The following WDR76 variants were observed in gnomAD, a reference collection of about 807,000 sequenced individuals.
The protein encoded by WDR76 is WD repeat domain 76.
A neutral mutation model predicts 70.2 loss-of-function variants in WDR76; 52 were observed. The ratio of observed to expected loss-of-function variants is 0.74; its 90% CI spans 0.59 to 0.93. WDR76 has a LOEUF of 0.93. WDR76 is among the 40% of genes least tolerant of loss of function. The pLI, the probability that WDR76 is intolerant of heterozygous loss-of-function variation, is 0.00. For missense variants in WDR76, 756 were observed against 760.2 expected (o/e 0.99, Z 0.07); for synonymous variants, 292 against 271.1 (o/e 1.08, Z -0.76).
chr15:43,833,320 CTT>C (rs572785012), intron 2 of WDR76, among the ~76,000 whole-genome samples: 17 of 134,162 alleles, frequency 1.3e-4, no homozygotes, highest in Admixed American at 1.5e-4. Context: ...CTTTTCTTTT[CTT>C]TTTTTTTTTT....
At chr15:43,834,990 A>G (rs1182250679) in intron 2 of WDR76, 71 bp from the exon 3 acceptor site, 1 of 1,248,708 alleles carries the variant, frequency 8.0e-7, no homozygotes, top group Non-Finnish European at 1.2e-6. Context: ...AAAATGAAAC[A>G]TGTAGTTTTG....
chr15:43,827,534 G>C (rs958435914), intron 1 of WDR76, among the ~76,000 whole-genome samples: 2 of 151,964 alleles, frequency 1.3e-5, no homozygotes, highest in Admixed American at 1.3e-4. Flanking sequence ...TCTTACGAAG[G>C]GTGTCAATTT....
chr15:43,828,257 C>G lies in WDR76; in HGVS notation c.353C>G (p.Thr118Ser), dbSNP rs759444227. ...TLQNSSSAVH[T>S]ESNKLQPKRT... Reference sequence around the variant, plus strand: ...CAAAATTCATCCTCAGCTGTTCATACTGAAAGTAACAAGCTACAACCCAAG... The same window carrying G: ...CAAAATTCATCCTCAGCTGTTCATAGTGAAAGTAACAAGCTACAACCCAAG... The change falls in exon 2 of 13, where the codon ACT (threonine) becomes AGT (serine). Residue 118 changes from threonine to serine, a missense_variant. By Grantham distance (58) the Thr-to-Ser change is moderately conservative (BLOSUM62 1). Coordinates refer to ENST00000263795, the MANE Select transcript of WDR76 (RefSeq NM_024908.4). The G allele has an allele frequency of 1.2e-5, 20 of 1,614,082 alleles. No homozygotes were observed. In the South Asian group the frequency reaches 2.0e-4, roughly 16 times the overall value.
chr15:43,860,820 G>C (rs1320366856), intron 11 of WDR76, among the ~76,000 whole-genome samples: 1 of 150,316 alleles, frequency 6.7e-6, no homozygotes, highest in South Asian at 2.1e-4. Flanking sequence ...TGATTTCTAC[G>C]CTAAACTATA....
At chr15:43,860,871 T>A (rs1243001007) in intron 11 of WDR76, among the ~76,000 whole-genome samples, 1 of 151,670 alleles carries the variant, frequency 6.6e-6, no homozygotes. Context: ...AACTTTTGTT[T>A]AGTATCTTGA....
intron 3 of WDR76, among the ~76,000 whole-genome samples, chr15:43,835,649 AT>A (rs1370497814): frequency 2.1e-5 from 3 of 146,212 alleles, no homozygotes; most frequent in Admixed American, 6.8e-5. Flanking sequence ...CTAAGGCATT[AT>A]TTTTTTTGTC....
intron 9 of WDR76, among the ~76,000 whole-genome samples, chr15:43,854,288 G>A (rs1309548351): frequency 2.0e-5 from 3 of 152,194 alleles, no homozygotes; most frequent in African/African-American, 4.8e-5. Context: ...ACAAAGAATA[G>A]GTTGGGCATG....
chr15:43,858,243 G>GC (rs2087954340), intron 10 of WDR76, among the ~76,000 whole-genome samples: 1 of 143,366 alleles, frequency 7.0e-6, no homozygotes, highest in Middle Eastern at 3.3e-3. Flanking sequence ...AGAGAGTTCT[G>GC]TTTTTTTTTT....
chr15:43,839,333 G>C (rs1346729634), intron 4 of WDR76, among the ~76,000 whole-genome samples: 1 of 152,166 alleles, frequency 6.6e-6, no homozygotes, highest in Admixed American at 6.5e-5. Context: ...CCTTTCAGCA[G>C]TGCATAAAGA....
At chr15:43,842,563 A>AATAT in intron 6 of WDR76, 47 bp downstream of exon 6, 1 of 1,587,080 alleles carries the variant, frequency 6.3e-7, no homozygotes, top group South Asian at 1.1e-5. Flanking sequence ...CTGTTAAGGA[A>AATAT]ATATATATAT....
At position 43,857,067 on chromosome 15, in the gene WDR76, C is replaced by T. The variant is rs2087937194; in HGVS notation, c.1313C>T (p.Thr438Ile). ...CTGGTGGATAGACGGACACCTGGAA[C>T]TTCTTATGAGAAACTTACCAGTTCT... ...MSLVDRRTPG[T>I]SYEKLTSSSM... The change falls in exon 10 of 13, where the codon ACT (threonine) becomes ATT (isoleucine). Residue 438 changes from threonine (T) to isoleucine (I), a missense_variant. Coordinates refer to ENST00000263795, the MANE Select transcript of WDR76 (RefSeq NM_024908.4). The T allele has an allele frequency of 7.4e-6, 12 of 1,614,100 alleles. No individual in the cohort carries two copies. In the East Asian group the frequency reaches 2.7e-4, roughly 36 times the overall value.
chr15:43,861,517 C>G (rs1333975221), intron 12 of WDR76, 131 bp downstream of exon 12: 1 of 913,398 alleles, frequency 1.1e-6, no homozygotes, highest in Non-Finnish European at 1.7e-6. Context: ...TTATAAGTGT[C>G]CCAGTTTGCT....
chr15:43,842,471 T>C lies in WDR76; in HGVS notation c.789T>C (p.Asn263=). 6.2e-7 allele frequency: 1 copy of C among 1,614,104 alleles called. No homozygotes were observed. Among genetic ancestry groups the C allele is most frequent in the Non-Finnish European group, 8.5e-7 (1 of 1,180,006 alleles). The change falls in exon 6 of 13, where the codon AAT becomes AAC. Residue 263 remains asparagine, a synonymous_variant. Transcript: ENST00000263795. Reference sequence around the variant, plus strand: ...CTTCTGAAAATCAAGAAGACAACAATGAACGATTTAAAGGATTTCTGCACA... The same window carrying C: ...CTTCTGAAAATCAAGAAGACAACAACGAACGATTTAAAGGATTTCTGCACA... ...EMTSENQEDN[N]ERFKGFLHTW...
chr15:43,835,047 G>T lies in WDR76; in HGVS notation c.463-14G>T, dbSNP rs776310708. 1.2e-6 allele frequency: 2 copies of T among 1,608,534 alleles called. No individual in the cohort carries two copies. The highest frequency in any genetic ancestry group is 1.7e-5 in the Admixed American group (1 of 59,808). On this transcript the variant is annotated splice_polypyrimidine_tract_variant and intron_variant, in intron 2 of 12. Coordinates refer to ENST00000263795, the MANE Select transcript of WDR76 (RefSeq NM_024908.4). The stretch of plus-strand genomic sequence containing the variant: ...TATATAAAGTAATGGAATCTTTTTG[G>T]TGTAATTTTATAGGATTTTTCGGGA...
At chr15:43,844,862 AGCTTGCAG>A (rs1555462361) in intron 8 of WDR76, among the ~76,000 whole-genome samples, 4 of 110,022 alleles carry the variant, frequency 3.6e-5, no homozygotes, top group Non-Finnish European at 6.9e-5. Context: ...TGGGAGGGGG[AGCTTGCAG>A]TGAGCCGAGA....
In WDR76 at chr15:43,851,089, C is replaced by T; in HGVS notation, c.1035C>T (p.Thr345=). 1.9e-6 allele frequency: 3 copies of T among 1,613,712 alleles called. No individual in the cohort carries two copies. The highest frequency in any genetic ancestry group is 2.5e-6 in the Non-Finnish European group (3 of 1,179,868). ...KFGQVGLCDL[T]QQPKEDGVYV... is the part of the protein sequence containing the mutation. ...CCTTTCCCGCAACTCTCTTCCAGAC[C>T]CAGCAACCTAAAGAAGATGGAGTTT... The change falls in exon 9 of 13, where the codon ACC becomes ACT. Residue 345 remains threonine (T), a splice_region_variant and synonymous_variant. Coordinates refer to ENST00000263795, the MANE Select transcript of WDR76 (RefSeq NM_024908.4).
intron 8 of WDR76, among the ~76,000 whole-genome samples, chr15:43,850,849 A>G (rs2087848838): frequency 6.6e-6 from 1 of 152,204 alleles, no homozygotes; most frequent in Non-Finnish European, 1.5e-5. Context: ...TGTTAGTTAC[A>G]GAAAGCTGGT....
Position 43,842,644 on chromosome 15 carries a change from CTG to C in WDR76, c.852_853del (p.Lys286GlyfsTer4). Reference sequence around the variant, plus strand: ...ATGTTTCAGCCAAGTAGTAAGAACACTGAGAAGGGATTATCTAGCATTAAAAG... The same window carrying C: ...ATGTTTCAGCCAAGTAGTAAGAACACAGAAGGGATTATCTAGCATTAAAAG... On this transcript the variant is annotated frameshift_variant, in exon 7 of 13. Transcript: ENST00000263795. LOFTEE classifies it high-confidence loss of function. 1 of 1,610,114 alleles carries C rather than the reference CTG, an allele frequency of 6.2e-7. No homozygotes were observed. The highest frequency in any genetic ancestry group is 8.5e-7 in the Non-Finnish European group (1 of 1,178,946).
intron 9 of WDR76, among the ~76,000 whole-genome samples, chr15:43,856,730 T>C (rs1422956329): frequency 6.6e-6 from 1 of 152,114 alleles, no homozygotes; most frequent in African/African-American, 2.4e-5. Context: ...ACTTGAAATG[T>C]TCCCAACACA....
Sources: allele counts gnomAD v4.1 joint callset (sites outside exome capture counted in the v4.1 genomes callset), GRCh38; gene constraint gnomAD v4.1.1; transcripts MANE v1.5; gene names NCBI Gene and HGNC (gene_info 2026-07-23, HGNC 2026-07-21).